MAML3: variants seen among roughly 807,000 people sequenced by gnomAD.
The protein encoded by MAML3 is mastermind like transcriptional coactivator 3, also known as mastermind-like protein 3.
Under a neutral mutation model 101.9 loss-of-function variants are expected in MAML3, and 27 were observed. That is an observed-to-expected ratio of 0.27 (90% CI 0.20 to 0.37). MAML3 has a LOEUF of 0.37. Ranked by LOEUF, MAML3 falls within the 10% of genes least tolerant of loss-of-function variation. The pLI is 1.00. For missense variants in MAML3, 1,316 were observed against 1,444.9 expected, an observed-to-expected ratio of 0.91 and a Z score of 1.45; for synonymous variants, 501 against 555.9, an observed-to-expected ratio of 0.90 and a Z score of 1.39.
intron 1 of MAML3, among the ~76,000 whole-genome samples, chr4:140,050,427 T>G (rs1177233943): frequency 6.6e-6 from 1 of 152,024 alleles, no homozygotes; most frequent in African/African-American, 2.4e-5. Flanking sequence ...CAGATGGGCC[T>G]CTGTCTGCCC....
chr4:140,129,469 C>T (rs1728746464), intron 1 of MAML3, among the ~76,000 whole-genome samples: 1 of 152,114 alleles, frequency 6.6e-6, no homozygotes, highest in South Asian at 2.1e-4. Flanking sequence ...TCAGCTGCAG[C>T]ACATAGTTTT....
At chr4:139,885,934 A>AAAAAAAAAAAAAAAAAAG (rs1732326808) in intron 2 of MAML3, among the ~76,000 whole-genome samples, 1 of 130,942 alleles carries the variant, frequency 7.6e-6, no homozygotes, top group South Asian at 2.4e-4. Context: ...CTCCGTCTCA[A>AAAAAAAAAAAAAAAAAAG]AAAAAAAAAA....
chr4:139,939,550 C>T (rs866147743), intron 1 of MAML3, among the ~76,000 whole-genome samples: 16 of 152,122 alleles, frequency 1.1e-4, no homozygotes, highest in African/African-American at 3.6e-4. Flanking sequence ...ACCCTATTCT[C>T]AACAAGGGGG....
intron 1 of MAML3, among the ~76,000 whole-genome samples, chr4:139,954,575 C>T (rs769117990): frequency 1.2e-4 from 19 of 152,194 alleles, no homozygotes; most frequent in Non-Finnish European, 2.8e-4. Flanking sequence ...AGTCCAGAGG[C>T]TGGAGCCAAG....
At chr4:139,809,041 C>T (rs1223136957) in intron 2 of MAML3, among the ~76,000 whole-genome samples, 1 of 152,164 alleles carries the variant, frequency 6.6e-6, no homozygotes, top group Non-Finnish European at 1.5e-5. Flanking sequence ...TTTCTCAGAG[C>T]AATTACTACA....
chr4:139,812,847 C>G (rs1730828109), intron 2 of MAML3, among the ~76,000 whole-genome samples: 1 of 151,810 alleles, frequency 6.6e-6, no homozygotes, highest in Non-Finnish European at 1.5e-5. Flanking sequence ...TAAAGATTGC[C>G]ACACATTTAA....
At chr4:139,829,024 C>A (rs12511237) in intron 2 of MAML3, among the ~76,000 whole-genome samples, 15,120 of 67,454 alleles carry the variant, frequency 0.22, 988 homozygotes, top group African/African-American at 0.33. Flanking sequence ...GAAGGAAGGA[C>A]GGACGGACGG....
intron 1 of MAML3, among the ~76,000 whole-genome samples, chr4:139,970,530 C>T (rs2110791044): frequency 6.6e-6 from 1 of 152,208 alleles, no homozygotes; most frequent in East Asian, 1.9e-4. Context: ...ATCAGACAAT[C>T]AAGAGATTAG....
intron 2 of MAML3, among the ~76,000 whole-genome samples, chr4:139,805,387 A>G (rs1730683221): frequency 6.6e-6 from 1 of 152,198 alleles, no homozygotes; most frequent in African/African-American, 2.4e-5. Flanking sequence ...GAAATTATTT[A>G]ATTACTAATG....
At chr4:139,971,320 C>A (rs1259700840) in intron 1 of MAML3, among the ~76,000 whole-genome samples, 1 of 152,196 alleles carries the variant, frequency 6.6e-6, no homozygotes, top group African/African-American at 2.4e-5. Flanking sequence ...CAGAAAGTGT[C>A]CAAAGGACTC....
chr4:140,098,551 G>C (rs959451759), intron 1 of MAML3, among the ~76,000 whole-genome samples: 1 of 152,184 alleles, frequency 6.6e-6, no homozygotes, highest in African/African-American at 2.4e-5. Context: ...ATCATCACCA[G>C]GACTTCTCAG....
At chr4:140,063,769 T>C (rs534143141) in intron 1 of MAML3, among the ~76,000 whole-genome samples, 2 of 150,812 alleles carry the variant, frequency 1.3e-5, no homozygotes, top group Admixed American at 6.7e-5. Context: ...CTTCTTACTT[T>C]GTTTATTTGT....
chr4:139,988,300 C>CTGGGCGACA (rs1218908165), intron 1 of MAML3, among the ~76,000 whole-genome samples: 6 of 137,950 alleles, frequency 4.3e-5, no homozygotes, highest in Non-Finnish European at 9.1e-5. Flanking sequence ...GCACTCCAGC[C>CTGGGCGACA]TGGGCGACAG....
At chr4:140,044,082 G>A (rs1394190416) in intron 1 of MAML3, among the ~76,000 whole-genome samples, 2 of 150,890 alleles carry the variant, frequency 1.3e-5, no homozygotes, top group East Asian at 3.9e-4. Flanking sequence ...CAGTTCTCCT[G>A]AATAAGGCAC....
intron 2 of MAML3, among the ~76,000 whole-genome samples, chr4:139,879,398 T>A (rs374527647): frequency 2.0e-5 from 3 of 151,532 alleles, no homozygotes; most frequent in East Asian, 3.9e-4. Flanking sequence ...TCATGGTGTA[T>A]GCCTTTAATC....
chr4:139,773,837 A>T (rs6848976), intron 2 of MAML3, among the ~76,000 whole-genome samples: 1 of 152,100 alleles, frequency 6.6e-6, no homozygotes, highest in African/African-American at 2.4e-5. Flanking sequence ...TGGCTTTGGA[A>T]CTCAGATTTG....
intron 2 of MAML3, among the ~76,000 whole-genome samples, chr4:139,852,935 T>A (rs1317735566): frequency 6.6e-6 from 1 of 152,226 alleles, no homozygotes; most frequent in Non-Finnish European, 1.5e-5. Context: ...GTACTCTCTA[T>A]GATGGGCCTC....
At chr4:139,939,555 A>C (rs909095532) in intron 1 of MAML3, among the ~76,000 whole-genome samples, 1 of 151,998 alleles carries the variant, frequency 6.6e-6, no homozygotes. Flanking sequence ...ATTCTCAACA[A>C]GGGGGTCTTT....
chr4:139,775,911 T>C (rs947432999), intron 2 of MAML3, among the ~76,000 whole-genome samples: 2 of 152,196 alleles, frequency 1.3e-5, no homozygotes, highest in African/African-American at 4.8e-5. Flanking sequence ...AGGTACAACT[T>C]GCAACTGTTA....
Sources: allele counts gnomAD v4.1 joint callset (sites outside exome capture counted in the v4.1 genomes callset), GRCh38; gene constraint gnomAD v4.1.1; transcripts MANE v1.5; gene names NCBI Gene and HGNC (gene_info 2026-07-23, HGNC 2026-07-21).